NOM1: variants seen among roughly 807,000 people sequenced by gnomAD.
NOM1 encodes the protein nucleolar protein with MIF4G domain 1.
A neutral mutation model predicts 73.3 loss-of-function variants in NOM1; 58 were observed. That is an observed-to-expected ratio of 0.79 (90% CI 0.64 to 0.99). The LOEUF (loss-of-function observed/expected upper bound fraction) is 0.99, where lower values mean the gene tolerates loss of function less well. NOM1 is among the 50% of genes least tolerant of loss of function. The pLI is 0.00. For missense variants in NOM1, 1,226 were observed against 1,131.9 expected, an observed-to-expected ratio of 1.08 and a Z score of -1.19; for synonymous variants, 487 against 446.8, an observed-to-expected ratio of 1.09 and a Z score of -1.14.
intron 10 of NOM1, 150 bp downstream of exon 10, chr7:156,969,346 A>G (rs1805083005): frequency 1.4e-6 from 1 of 727,772 alleles, no homozygotes; most frequent in South Asian, 1.9e-5. Flanking sequence ...GATCTGGGGA[A>G]TAGAAACTTG....
In NOM1 at chr7:156,969,515, C is replaced by T. The variant is rs766826922; in HGVS notation, c.2409-14C>T. The T allele has an allele frequency of 2.9e-5, 46 of 1,609,106 alleles. No homozygotes were observed. Among genetic ancestry groups the T allele is most frequent in the South Asian group, 1.4e-4 (13 of 90,748 alleles). Reference sequence around the variant, plus strand: ...AGCTCAGCCCTGACATGTGTTTATACGATTCCTTTCCAGAGTATCTGACAA... The same window carrying T: ...AGCTCAGCCCTGACATGTGTTTATATGATTCCTTTCCAGAGTATCTGACAA... On this transcript the variant is annotated splice_polypyrimidine_tract_variant and intron_variant, in intron 10 of 10. Transcript: ENST00000275820.
intron 7 of NOM1, 106 bp downstream of exon 7, chr7:156,964,132 A>T: frequency 1.7e-6 from 2 of 1,207,880 alleles, no homozygotes; most frequent in Non-Finnish European, 2.3e-6. Context: ...CTGCCTAGGG[A>T]GGACTGGGCT....
In NOM1 at chr7:156,966,344, A is replaced by G. The variant is rs141756148; in HGVS notation, c.2108A>G (p.Tyr703Cys). The change falls in exon 8 of 11, where the codon TAC (tyrosine) becomes TGC (cysteine). Residue 703 changes from tyrosine to cysteine, a missense_variant. Transcript: ENST00000275820. ...LMDCCLQEKT[Y>C]NPFYAFLASK... ...GATTGCTGCCTTCAAGAGAAAACTT[A>G]CAATCCCTTCTATGCTTTCCTGGCT... 132 of 1,614,116 alleles carry G rather than the reference A, an allele frequency of 8.2e-5. No individual in the cohort carries two copies. The highest frequency in any genetic ancestry group is 1.1e-4 in the Non-Finnish European group (129 of 1,180,036).
intron 7 of NOM1, among the ~76,000 whole-genome samples, chr7:156,964,481 T>C (rs1804947274): frequency 6.6e-6 from 1 of 152,052 alleles, no homozygotes; most frequent in African/African-American, 2.4e-5. Flanking sequence ...ATTTTAAAGA[T>C]CCTGTAATCC....
rs201608824 is a variant in NOM1, at chr7:156,950,209, G to A, written c.472G>A (p.Ala158Thr). ...CAAGGCCAAGGCCACGGCCGCCACC[G>A]CAAAGACCAGACCCTCCGCAGCCGC... Reference protein sequence around the residue: ...RVKAKATAATAKTRPSAAATA... With the variant: ...RVKAKATAATTKTRPSAAATA... Residue 158 changes from alanine (A) to threonine (T), a missense_variant, in exon 1 of 11, where the codon GCA (alanine) becomes ACA (threonine). Ala to Thr is a moderately conservative substitution (Grantham distance 58). Transcript: ENST00000275820. 6.2e-7 allele frequency: 1 copy of A among 1,610,536 alleles called. No individual in the cohort carries two copies. Among genetic ancestry groups the A allele is most frequent in the Non-Finnish European group, 8.5e-7 (1 of 1,179,566 alleles).
chr7:156,963,447 A>G, intron 6 of NOM1: 1 of 511,984 alleles, frequency 2.0e-6, no homozygotes, highest in South Asian at 2.1e-5. Flanking sequence ...CTCACGGGGC[A>G]GGAGTCCGTT....
Position 156,960,023 on chromosome 7 carries a change from T to G in NOM1, c.1481T>G (p.Phe494Cys). Residue 494 changes from phenylalanine to cysteine, a missense_variant, in exon 4 of 11, where the codon TTC (phenylalanine) becomes TGC (cysteine). Physicochemically the swap from Phe to Cys is radical, Grantham distance 205. Coordinates refer to ENST00000275820, the MANE Select transcript of NOM1 (RefSeq NM_138400.2). Reference protein sequence around the residue: ...FDILKKLIGTFTEKDIELILL... With the variant: ...FDILKKLIGTCTEKDIELILL... ...ATTTTGAAAAAACTGATTGGAACTT[T>G]CACCGAAAAAGATATTGAACTGATC... is the stretch of plus-strand genomic sequence containing the variant. The G allele has an allele frequency of 6.2e-7, 1 of 1,614,152 alleles. No individual in the cohort carries two copies. The highest frequency in any genetic ancestry group is 2.2e-5 in the East Asian group (1 of 44,884).
At position 156,950,083 on chromosome 7, in the gene NOM1, G is replaced by T. The variant is rs1804539746; in HGVS notation, c.346G>T (p.Ala116Ser). 6.5e-7 allele frequency: 1 copy of T among 1,545,762 alleles called. No homozygotes were observed. The highest frequency in any genetic ancestry group is 8.7e-7 in the Non-Finnish European group (1 of 1,147,672). ...TCCCGGCCTGGGAGGCCGAAGCGGA[G>T]CCGAAGAAGCCAGCGGTCACCGGCA... is the stretch of plus-strand genomic sequence containing the variant. ...QGPGLGGRSG[A>S]EEASGHRQDT... Residue 116 changes from alanine to serine, a missense_variant, in exon 1 of 11, where the codon GCC (alanine) becomes TCC (serine). Ala to Ser is a moderately conservative substitution (Grantham distance 99). Coordinates refer to ENST00000275820, the MANE Select transcript of NOM1 (RefSeq NM_138400.2).
intron 8 of NOM1, 135 bp from the exon 9 acceptor site, chr7:156,966,826 C>T (rs759611962): frequency 2.1e-6 from 2 of 934,148 alleles, no homozygotes; most frequent in South Asian, 1.8e-5. Context: ...AACAGTGAGG[C>T]CACCACTAAA....
chr7:156,951,416 C>T (rs919969712), intron 1 of NOM1, among the ~76,000 whole-genome samples: 2 of 152,074 alleles, frequency 1.3e-5, no homozygotes, highest in East Asian at 1.9e-4. Context: ...GAATCTAGGA[C>T]GTAGCAATCA....
chr7:156,958,839 A>G (rs1289338057), intron 3 of NOM1: 1 of 152,150 alleles, frequency 6.6e-6, no homozygotes, highest in Non-Finnish European at 1.5e-5. Flanking sequence ...GTGCCCCTCA[A>G]ACCACTGGCT....
At chr7:156,952,204 G>A (rs192040692) in intron 1 of NOM1, among the ~76,000 whole-genome samples, 1 of 152,174 alleles carries the variant, frequency 6.6e-6, no homozygotes, top group East Asian at 1.9e-4. Flanking sequence ...GAGGTGCACA[G>A]CTGGGTCTGA....
rs1299079020 is a variant in NOM1 at position 156,973,153 on chromosome 7, A to T, written c.*3450A>T. The T allele has an allele frequency of 6.6e-6, 1 of 152,176 alleles. No homozygotes were observed. The highest frequency in any genetic ancestry group is 2.4e-5 in the African/African-American group (1 of 41,448). The allele number at this position is 152,176 out of a possible 1,614,324, so 9.4% of individuals were successfully genotyped here. A position where few individuals can be genotyped will look rare whatever the true frequency, so the allele number is the denominator to read the frequency against. ...AACTTTAATGTATTGAAATGCATAA[A>T]TAAAATTTATTTTTTATATTTTGTT... is the stretch of plus-strand genomic sequence containing the variant. On this transcript the variant is annotated 3_prime_UTR_variant, in exon 11 of 11. Transcript: ENST00000275820.
rs1229133175 is a variant in NOM1, at chr7:156,959,878, G to A, written c.1336G>A (p.Val446Met). The change falls in exon 4 of 11, where the codon GTG becomes ATG. Residue 446 changes from valine (V) to methionine (M), a missense_variant. Coordinates refer to ENST00000275820, the MANE Select transcript of NOM1 (RefSeq NM_138400.2). ...CGGTGCCCACTTTCTGGAGGCAGTG[G>A]TGAGGAAGTTCGATGCCATCTATAA... ...EVGAHFLEAV[V>M]RKFDAIYKYG... The A allele has an allele frequency of 6.2e-7, 1 of 1,614,224 alleles. No individual in the cohort carries two copies. The highest frequency in any genetic ancestry group is 8.5e-7 in the Non-Finnish European group (1 of 1,180,034).
intron 7 of NOM1, among the ~76,000 whole-genome samples, chr7:156,965,068 A>G (rs954391426): frequency 8.5e-5 from 13 of 152,250 alleles, no homozygotes; most frequent in African/African-American, 3.1e-4. Flanking sequence ...TTGATAATCA[A>G]TGCAGCTGAA....
In NOM1 at chr7:156,960,105, T is replaced by TAAGGA; in HGVS notation, c.1565_1569dup (p.Leu524ArgfsTer3). The stretch of plus-strand genomic sequence containing the variant: ...TGAGGAAAGATGATGCTTTATCACT[T>TAAGGA]AAGGAATTGATCACTGAAGCCCAGA... On this transcript the variant is annotated frameshift_variant, in exon 4 of 11. Coordinates refer to ENST00000275820, the MANE Select transcript of NOM1 (RefSeq NM_138400.2). LOFTEE classifies it high-confidence loss of function. 6.2e-7 allele frequency: 1 copy of TAAGGA among 1,614,154 alleles called. No homozygotes were observed. Among genetic ancestry groups the TAAGGA allele is most frequent in the Non-Finnish European group, 8.5e-7 (1 of 1,180,014 alleles).
At position 156,949,904 on chromosome 7, in the gene NOM1, C is replaced by T. The variant is rs1465327842; in HGVS notation, c.167C>T (p.Thr56Ile). Residue 56 changes from threonine (T) to isoleucine (I), a missense_variant, in exon 1 of 11, where the codon ACT becomes ATT. Physicochemically the swap from Thr to Ile is moderately conservative, Grantham distance 89 (BLOSUM62 -1). Coordinates refer to ENST00000275820, the MANE Select transcript of NOM1 (RefSeq NM_138400.2). ...GCGGTGGAGGAGTTCGTGCACGCGACTTCGGAAGGCGAGGCTCCCGGGGGT... is the reference window on the plus strand; with the variant it reads ...GCGGTGGAGGAGTTCGTGCACGCGATTTCGGAAGGCGAGGCTCCCGGGGGT... ...KLAVEEFVHATSEGEAPGGCE... is the reference protein window; with the variant it reads ...KLAVEEFVHAISEGEAPGGCE... The T allele has an allele frequency of 2.4e-5, 37 of 1,540,316 alleles. No individual in the cohort carries two copies. Among genetic ancestry groups the T allele is most frequent in the Non-Finnish European group, 3.1e-5 (36 of 1,143,828 alleles).
At chr7:156,957,044 G>A (rs1171479793) in intron 3 of NOM1, among the ~76,000 whole-genome samples, 1 of 152,164 alleles carries the variant, frequency 6.6e-6, no homozygotes, top group Non-Finnish European at 1.5e-5. Flanking sequence ...GAAAACATGA[G>A]ATAATTGGGC....
chr7:156,968,192 C>T (rs57951188), intron 9 of NOM1, among the ~76,000 whole-genome samples: 1 of 152,262 alleles, frequency 6.6e-6, no homozygotes, highest in African/African-American at 2.4e-5. Flanking sequence ...AGGCGTTGCT[C>T]CCCCTCCGCT....
Sources: allele counts gnomAD v4.1 joint callset (sites outside exome capture counted in the v4.1 genomes callset), GRCh38; gene constraint gnomAD v4.1.1; transcripts MANE v1.5; gene names NCBI Gene and HGNC (gene_info 2026-07-23, HGNC 2026-07-21).